Variants in MOB3B observed in about 807,000 individuals in gnomAD.
MOB3B encodes the protein MOB kinase activator-like 2B.
Under a neutral mutation model 18.7 loss-of-function variants are expected in MOB3B, and 7 were observed. The observed-to-expected ratio is 0.37, with a 90% CI of 0.21 to 0.70. The LOEUF (loss-of-function observed/expected upper bound fraction) is 0.70. MOB3B is among the 30% of genes least tolerant of loss of function. The pLI is 0.52. For missense variants in MOB3B, 253 were observed against 281.3 expected, an observed-to-expected ratio of 0.90 and a Z score of 0.72; for synonymous variants, 111 against 99.9, an observed-to-expected ratio of 1.11 and a Z score of -0.66.
At chr9:27,485,738 G>C (rs780402395) in intron 1 of MOB3B, among the ~76,000 whole-genome samples, 3 of 151,952 alleles carry the variant, frequency 2.0e-5, no homozygotes, top group Non-Finnish European at 4.4e-5. Context: ...TTTCCCCCTT[G>C]TTCTCTTCTG....
chr9:27,387,396 A>G (rs554091272), intron 2 of MOB3B, among the ~76,000 whole-genome samples: 1 of 152,186 alleles, frequency 6.6e-6, no homozygotes, highest in Non-Finnish European at 1.5e-5. Flanking sequence ...ATCTGAACCC[A>G]GCTTTGCTGT....
chr9:27,496,867 A>T (rs1819909332), intron 1 of MOB3B, among the ~76,000 whole-genome samples: 1 of 152,228 alleles, frequency 6.6e-6, no homozygotes, highest in South Asian at 2.1e-4. Context: ...TCCCAAAGCA[A>T]ATACATGTTC....
chr9:27,376,479 G>A (rs1238483651), intron 2 of MOB3B, among the ~76,000 whole-genome samples: 1 of 152,144 alleles, frequency 6.6e-6, no homozygotes, highest in East Asian at 1.9e-4. Flanking sequence ...GCTGCCGTTA[G>A]AAAAAAATGG....
chr9:27,337,447 G>C (rs1428788464), intron 3 of MOB3B, among the ~76,000 whole-genome samples: 2 of 152,198 alleles, frequency 1.3e-5, no homozygotes, highest in Admixed American at 6.5e-5. Context: ...TCTATGCCAA[G>C]GTTTCACGGC....
Position 27,415,974 on chromosome 9 carries a change from C to T in MOB3B, c.418+39159G>A, listed in dbSNP as rs547559206. On this transcript the variant is annotated intron_variant, in intron 2 of 3. Transcript: ENST00000262244. ...AGATTTGCTTTTCACATGCTTTCAC[C>T]CCTGGATTATCTGTAGGTAATCCTA... Among the ~76,000 whole-genome samples, 31 of 152,248 alleles carry T rather than the reference C, an allele frequency of 2.0e-4. 1 individual carries two copies. The highest frequency in any genetic ancestry group is 5.9e-4 in the Admixed American group (9 of 15,294).
chr9:27,527,447 G>A (rs1434479543), intron 1 of MOB3B, among the ~76,000 whole-genome samples: 1 of 152,172 alleles, frequency 6.6e-6, no homozygotes, highest in Non-Finnish European at 1.5e-5. Context: ...TGCTCTATGT[G>A]TCGCATTCCT....
At chr9:27,383,159 C>T (rs1465997073) in intron 2 of MOB3B, among the ~76,000 whole-genome samples, 5 of 152,084 alleles carry the variant, frequency 3.3e-5, no homozygotes, top group Admixed American at 6.5e-5. Flanking sequence ...ACCCTGCTTG[C>T]ACATGATCAC....
intron 2 of MOB3B, among the ~76,000 whole-genome samples, chr9:27,371,230 C>T (rs1821410975): frequency 6.6e-6 from 1 of 152,320 alleles, no homozygotes; most frequent in East Asian, 1.9e-4. Flanking sequence ...GTCATTGATC[C>T]TCTTTGTACA....
chr9:27,409,213 A>T (rs1034065418), intron 2 of MOB3B, among the ~76,000 whole-genome samples: 2 of 152,210 alleles, frequency 1.3e-5, no homozygotes, highest in African/African-American at 4.8e-5. Flanking sequence ...GATCAGGGAT[A>T]TGTTGGTGCA....
chr9:27,331,255 G>C (rs1183496311), intron 3 of MOB3B, among the ~76,000 whole-genome samples: 1 of 152,148 alleles, frequency 6.6e-6, no homozygotes, highest in Non-Finnish European at 1.5e-5. Context: ...CTCCGCACAG[G>C]TTGAGTCCCA....
At chr9:27,457,581 G>A (rs1439155795) in intron 1 of MOB3B, among the ~76,000 whole-genome samples, 4 of 151,950 alleles carry the variant, frequency 2.6e-5, no homozygotes, top group African/African-American at 7.3e-5. Flanking sequence ...TGGAATCCCC[G>A]CCCCACCCCC....
intron 1 of MOB3B, among the ~76,000 whole-genome samples, chr9:27,478,479 GA>G (rs1819595007): frequency 6.6e-6 from 1 of 151,744 alleles, no homozygotes; most frequent in African/African-American, 2.4e-5. Context: ...TTGAAAAAAA[GA>G]ACTAATTTGA....
chr9:27,439,686 C>CT (rs869058246), intron 2 of MOB3B, among the ~76,000 whole-genome samples: 1 of 152,160 alleles, frequency 6.6e-6, no homozygotes, highest in Admixed American at 6.5e-5. Flanking sequence ...TATCCTTTTA[C>CT]TTTTTCCCCC....
chr9:27,493,754 C>T (rs932329353), intron 1 of MOB3B, among the ~76,000 whole-genome samples: 33 of 152,180 alleles, frequency 2.2e-4, no homozygotes, highest in African/African-American at 4.6e-4. Flanking sequence ...GGATGTATAT[C>T]GCCTCAGGAC....
intron 2 of MOB3B, 43 bp downstream of exon 2, chr9:27,455,090 T>C: frequency 1.9e-6 from 3 of 1,609,256 alleles, no homozygotes; most frequent in South Asian, 2.2e-5. Flanking sequence ...ATAGTGAAGA[T>C]TGTGCAGGTG....
chr9:27,522,242 C>CAAAAAAAAAAAAAAAAAA (rs1171362204), intron 1 of MOB3B, among the ~76,000 whole-genome samples: 10 of 56,050 alleles, frequency 1.8e-4, no homozygotes, highest in African/African-American at 4.7e-4. Flanking sequence ...CCCCGTCTCA[C>CAAAAAAAAAAAAAAAAAA]AAAAAAAAAA....
chr9:27,452,934 G>A (rs1389949996), intron 2 of MOB3B, among the ~76,000 whole-genome samples: 10 of 152,118 alleles, frequency 6.6e-5, no homozygotes, highest in South Asian at 2.1e-4. Flanking sequence ...GATAGAAAGC[G>A]TAAATTCAAG....
At chr9:27,455,818 T>C (rs1181033024) in intron 1 of MOB3B, 70 bp from the exon 2 acceptor site, 1 of 1,345,704 alleles carries the variant, frequency 7.4e-7, no homozygotes. Context: ...GTCTTCAACC[T>C]GATTTCCACC....
chr9:27,467,068 G>C (rs2131463303), intron 1 of MOB3B, among the ~76,000 whole-genome samples: 1 of 152,206 alleles, frequency 6.6e-6, no homozygotes, highest in Middle Eastern at 3.4e-3. Flanking sequence ...ATAAAATTGA[G>C]ACAAATAATT....
Sources: gnomAD v4.1 joint callset for allele counts (sites outside exome capture counted in the v4.1 genomes callset) on GRCh38, gnomAD v4.1.1 for gene constraint, MANE v1.5 for transcripts, NCBI Gene and HGNC (gene_info 2026-07-23, HGNC 2026-07-21) for gene names.